Variants in PSD3 observed in about 807,000 individuals in gnomAD.
PSD3 encodes pleckstrin and Sec7 domain containing 3.
Under a neutral mutation model 105.5 loss-of-function variants are expected in PSD3, and 49 were observed. That is an observed-to-expected ratio of 0.46 (90% confidence interval 0.37 to 0.59). PSD3 has a LOEUF of 0.59. Among genes scored for constraint, PSD3 ranks in the 20% least tolerant of loss-of-function variants. The probability of loss-of-function intolerance (pLI) is 0.00; values close to 1 mark genes in which losing one functional copy is unlikely to be tolerated. For synonymous variants in PSD3, 557 were observed against 457.8 expected (o/e 1.22, Z -2.77); for missense variants, 1,561 against 1,263.8 (o/e 1.24, Z -3.57).
At chr8:18,953,110 A>G (rs1823348742) in intron 1 of PSD3, among the ~76,000 whole-genome samples, 1 of 152,216 alleles carries the variant, frequency 6.6e-6, no homozygotes, top group Non-Finnish European at 1.5e-5. Flanking sequence ...TACACATTAA[A>G]TGATCTTCAA....
intron 2 of PSD3, among the ~76,000 whole-genome samples, chr8:18,894,418 G>A (rs937341331): frequency 6.6e-6 from 1 of 152,128 alleles, no homozygotes; most frequent in Middle Eastern, 3.2e-3. Flanking sequence ...GTCCAGACCT[G>A]ACATCTCCCC....
At chr8:19,045,124 G>A (rs184943360) in intron 1 of PSD3, among the ~76,000 whole-genome samples, 60 of 152,292 alleles carry the variant, frequency 3.9e-4, no homozygotes, top group Admixed American at 3.9e-4. Flanking sequence ...GGCAGAGGTT[G>A]CAGTGAACCA....
At chr8:18,907,370 C>T (rs1044873929) in intron 2 of PSD3, among the ~76,000 whole-genome samples, 12 of 152,084 alleles carry the variant, frequency 7.9e-5, no homozygotes, top group Admixed American at 2.0e-4. Flanking sequence ...ATGGGGGTCT[C>T]GCTGTGTTGC....
At chr8:18,860,625 T>C (rs572731115) in intron 4 of PSD3, among the ~76,000 whole-genome samples, 37 of 152,274 alleles carry the variant, frequency 2.4e-4, no homozygotes, top group Admixed American at 5.2e-4. Flanking sequence ...TGTATTCCTG[T>C]GTAAAACACC....
intron 11 of PSD3, among the ~76,000 whole-genome samples, chr8:18,602,309 G>C (rs559925087): frequency 1.3e-5 from 2 of 152,062 alleles, no homozygotes; most frequent in East Asian, 1.9e-4. Context: ...ACTACAAAGA[G>C]ATTCCAAAGA....
At chr8:18,740,534 G>C (rs890591599) in intron 9 of PSD3, among the ~76,000 whole-genome samples, 1 of 152,188 alleles carries the variant, frequency 6.6e-6, no homozygotes, top group African/African-American at 2.4e-5. Context: ...GAGAGTCTGA[G>C]TGACCTTGGA....
chr8:18,609,559 A>C (rs1004963360), intron 11 of PSD3, among the ~76,000 whole-genome samples: 1 of 152,246 alleles, frequency 6.6e-6, no homozygotes, highest in Non-Finnish European at 1.5e-5. Flanking sequence ...AGAACTAAAC[A>C]ACTTAAAGTA....
intron 2 of PSD3, among the ~76,000 whole-genome samples, chr8:18,917,299 C>T (rs1412629950): frequency 6.6e-6 from 1 of 152,180 alleles, no homozygotes; most frequent in Non-Finnish European, 1.5e-5. Context: ...TCTCCTCTTC[C>T]CTTACTGATA....
intron 1 of PSD3, among the ~76,000 whole-genome samples, chr8:19,049,044 G>A (rs1000804654): frequency 3.9e-5 from 6 of 152,030 alleles, no homozygotes; most frequent in Non-Finnish European, 5.9e-5. Context: ...GCTGGATTAG[G>A]GTCCAATATG....
At chr8:18,717,035 C>G (rs1802645846) in intron 9 of PSD3, among the ~76,000 whole-genome samples, 3 of 152,178 alleles carry the variant, frequency 2.0e-5, no homozygotes, top group African/African-American at 7.2e-5. Context: ...ACTCAGACCT[C>G]TGGACTTAAA....
In PSD3 at chr8:18,765,514, G is replaced by C; in HGVS notation, c.2107C>G (p.Gln703Glu). ...CCTTGCAGATTTGCAATGAACTCCTGACAGGTCATCTTCTTTCCAATATTC... is the reference window on the plus strand; with the variant it reads ...CCTTGCAGATTTGCAATGAACTCCTCACAGGTCATCTTCTTTCCAATATTC... ...GHNIGKKMTC[Q>E]EFIANLQGVN... Residue 703 changes from glutamine (Q) to glutamate (E), a missense_variant, in exon 9 of 16, where the codon CAG (glutamine) becomes GAG (glutamate). Coordinates refer to ENST00000327040, the MANE Select transcript of PSD3 (RefSeq NM_015310.4). 6.2e-7 allele frequency: 1 copy of C among 1,611,488 alleles called. No individual in the cohort carries two copies. Among genetic ancestry groups the C allele is most frequent in the Admixed American group, 1.7e-5 (1 of 60,018 alleles).
At chr8:18,920,234 G>C (rs1219539118) in intron 2 of PSD3, among the ~76,000 whole-genome samples, 2 of 152,102 alleles carry the variant, frequency 1.3e-5, no homozygotes, top group Non-Finnish European at 2.9e-5. Flanking sequence ...GTAACATTTT[G>C]CAATGCCTTC....
chr8:18,622,535 T>C (rs931782773), intron 11 of PSD3, among the ~76,000 whole-genome samples: 6 of 152,198 alleles, frequency 3.9e-5, no homozygotes, highest in African/African-American at 1.4e-4. Flanking sequence ...ACCTCTGTAG[T>C]TTTATGGAGC....
At chr8:19,014,078 T>TA (rs1482481608), upstream of PSD3, 1 of 152,520 alleles carries the variant, frequency 6.6e-6, no homozygotes, top group Non-Finnish European at 1.5e-5. The surrounding 1 kb of genome is among the most constrained non-coding windows in gnomAD (Gnocchi z 4.9). Flanking sequence ...TGCTTTGTCT[T>TA]CTTCCTTCAC....
chr8:19,020,323 G>A (rs918841610), intron 1 of PSD3, among the ~76,000 whole-genome samples: 5 of 152,124 alleles, frequency 3.3e-5, no homozygotes, highest in Non-Finnish European at 7.4e-5. Context: ...AGGATATTGA[G>A]AGAAGACTTC....
rs11986989 is a variant in PSD3, at chr8:18,679,153, A to G, written c.2173-23468T>C. Reference sequence around the variant, plus strand: ...CTCTAGCCTTAGTCTAAAGAGCAAAAGTGGTCTAGGAAGAAATGACAACAA... The same window carrying G: ...CTCTAGCCTTAGTCTAAAGAGCAAAGGTGGTCTAGGAAGAAATGACAACAA... On this transcript the variant is annotated intron_variant, in intron 9 of 15. Coordinates refer to ENST00000327040, the MANE Select transcript of PSD3 (RefSeq NM_015310.4). Among the ~76,000 whole-genome samples the G allele has an allele frequency of 2.3e-3, 348 of 152,334 alleles. 3 individuals are homozygous for G. The highest frequency in any genetic ancestry group is 7.8e-3 in the African/African-American group (326 of 41,576).
chr8:18,793,426 G>A (rs1018305286), intron 8 of PSD3, among the ~76,000 whole-genome samples: 14 of 147,906 alleles, frequency 9.5e-5, no homozygotes, highest in African/African-American at 3.5e-4. Context: ...AGCAAACCAC[G>A]TTGGCATTTG....
chr8:18,602,709 GA>G (rs1804525371), intron 11 of PSD3, among the ~76,000 whole-genome samples: 1 of 152,034 alleles, frequency 6.6e-6, no homozygotes, highest in Non-Finnish European at 1.5e-5. Context: ...TTCAGGGGAA[GA>G]AGGGACTACT....
At chr8:18,965,194 G>C (rs941908753) in intron 1 of PSD3, among the ~76,000 whole-genome samples, 1 of 152,104 alleles carries the variant, frequency 6.6e-6, no homozygotes, top group African/African-American at 2.4e-5. Context: ...AAACTTTGCT[G>C]TTTTCTATGA....
Sources: allele counts gnomAD v4.1 joint callset (sites outside exome capture counted in the v4.1 genomes callset), GRCh38; gene constraint gnomAD v4.1.1; non-coding constraint Gnocchi (gnomAD v3.1); transcripts MANE v1.5; gene names NCBI Gene and HGNC (gene_info 2026-07-23, HGNC 2026-07-21).